Variants in ZBTB38 observed in about 807,000 individuals in gnomAD.
The protein encoded by ZBTB38 is zinc finger and BTB domain-containing protein 38.
Under a neutral mutation model 76.8 loss-of-function variants are expected in ZBTB38, and 20 were observed. The ratio of observed to expected loss-of-function variants is 0.26; its 90% CI spans 0.18 to 0.38. The LOEUF is 0.38. ZBTB38 is among the 10% of genes least tolerant of loss of function. ZBTB38 has a pLI of 1.00. For synonymous variants in ZBTB38, 504 were observed against 544.2 expected (o/e 0.93, Z 1.03); for missense variants, 1,082 against 1,482.3 (o/e 0.73, Z 4.43).
rs914646028 is a variant in ZBTB38, at chr3:141,444,076, A to G, written c.1688A>G (p.Tyr563Cys). The change falls in exon 6 of 6, where the codon TAT (tyrosine) becomes TGT (cysteine). Residue 563 changes from tyrosine (Y) to cysteine (C), a missense_variant. Tyr to Cys is a radical substitution (Grantham distance 194). Coordinates refer to ENST00000321464, the MANE Select transcript of ZBTB38 (RefSeq NM_001376113.1). The surrounding 1 kb of genome is among the most constrained non-coding windows in gnomAD (Gnocchi z 5.1). The stretch of plus-strand genomic sequence containing the variant: ...GGCTTGAAGCCTAGTGTCTATCCGT[A>G]TAAACTTTATAGGCTACTGCCTATG... ...NGGLKPSVYP[Y>C]KLYRLLPMKC... The G allele has an allele frequency of 1.2e-6, 2 of 1,614,072 alleles. No individual in the cohort carries two copies. The highest frequency in any genetic ancestry group is 2.7e-5 in the African/African-American group (2 of 74,942).
chr3:141,348,729 TGA>T (rs1466395957), intron 1 of ZBTB38, among the ~76,000 whole-genome samples: 1 of 152,204 alleles, frequency 6.6e-6, no homozygotes, highest in African/African-American at 2.4e-5. Flanking sequence ...CAAGAGCCAA[TGA>T]GTATCTGATT....
chr3:141,432,392 G>A, intron 5 of ZBTB38: 1 of 587,012 alleles, frequency 1.7e-6, no homozygotes, highest in Non-Finnish European at 2.1e-6. Flanking sequence ...GTGGCCAAGG[G>A]CTGGCAAGAG....
At position 141,340,944 on chromosome 3, in the gene ZBTB38, AAG is replaced by A. The variant is rs55768579; in HGVS notation, c.-739+16490_-739+16491del. On this transcript the variant is annotated intron_variant, in intron 1 of 7. Coordinates refer to the ZBTB38 transcript ENST00000509842. The stretch of plus-strand genomic sequence containing the variant: ...GGAAAGGAAAAAAGAAAAGAAAAGA[AAG>A]AAGGAAAGAAAGAAAGAAAGAAAGA... Among the ~76,000 whole-genome samples, 97 of 81,460 alleles carry A rather than the reference AAG, an allele frequency of 1.2e-3. 5 individuals carry two copies. Among genetic ancestry groups the A allele is most frequent in the African/African-American group, 6.6e-3 (90 of 13,560 alleles). 53.4% of individuals were successfully genotyped at this position (81,460 alleles called of 152,430 possible).
At chr3:141,345,436 C>T (rs1428920972) in intron 1 of ZBTB38, among the ~76,000 whole-genome samples, 1 of 152,106 alleles carries the variant, frequency 6.6e-6, no homozygotes, top group Non-Finnish European at 1.5e-5. Context: ...GTGGTGTATA[C>T]ATGGGGGCAT....
chr3:141,403,515 A>G (rs1377306550), intron 4 of ZBTB38, among the ~76,000 whole-genome samples: 3 of 152,262 alleles, frequency 2.0e-5, no homozygotes, highest in Non-Finnish European at 4.4e-5. Flanking sequence ...TGCACATAGT[A>G]AGGGTAAGCA....
chr3:141,440,841 C>T (rs1261799554), intron 5 of ZBTB38, among the ~76,000 whole-genome samples: 2 of 151,946 alleles, frequency 1.3e-5, no homozygotes, highest in Admixed American at 1.3e-4. Flanking sequence ...CGAGACCATC[C>T]TGGCCAACAT....
At chr3:141,341,283 C>T (rs186450013) in intron 1 of ZBTB38, among the ~76,000 whole-genome samples, 1 of 152,344 alleles carries the variant, frequency 6.6e-6, no homozygotes, top group South Asian at 2.1e-4. Context: ...TATCACATGA[C>T]TCAGCAATTC....
chr3:141,405,735 G>A (rs759759308), intron 5 of ZBTB38: 4 of 152,220 alleles, frequency 2.6e-5, no homozygotes, highest in Non-Finnish European at 5.9e-5. Flanking sequence ...GGTGTTCTGT[G>A]AATGCTGTAC....
intron 1 of ZBTB38, among the ~76,000 whole-genome samples, chr3:141,360,644 G>C (rs1306223065): frequency 6.6e-6 from 1 of 152,162 alleles, no homozygotes; most frequent in African/African-American, 2.4e-5. Context: ...TGAATAAGCT[G>C]TAAGTCCCTG....
intron 1 of ZBTB38, among the ~76,000 whole-genome samples, chr3:141,329,207 T>G (rs1408063351): frequency 1.3e-5 from 2 of 152,214 alleles, no homozygotes; most frequent in Non-Finnish European, 2.9e-5. Flanking sequence ...GCACTTAGCA[T>G]AGTGCCCAGC....
intron 1 of ZBTB38, among the ~76,000 whole-genome samples, chr3:141,348,526 T>C (rs962444678): frequency 5.9e-5 from 9 of 152,238 alleles, no homozygotes; most frequent in Non-Finnish European, 1.2e-4. Flanking sequence ...ACTGCAAATT[T>C]AGATCCTTCC....
intron 1 of ZBTB38, among the ~76,000 whole-genome samples, chr3:141,356,400 T>C (rs1447799648): frequency 2.0e-5 from 3 of 152,066 alleles, no homozygotes; most frequent in Non-Finnish European, 4.4e-5. Context: ...TTCTCACTCA[T>C]ACAAAAGTGT....
At chr3:141,347,768 G>C (rs1943407096) in intron 1 of ZBTB38, among the ~76,000 whole-genome samples, 2 of 152,232 alleles carry the variant, frequency 1.3e-5, no homozygotes, top group South Asian at 4.1e-4. Flanking sequence ...CCATGGTTGT[G>C]GCTGTTCTCA....
At chr3:141,410,321 T>C (rs1217299367) in intron 5 of ZBTB38, among the ~76,000 whole-genome samples, 1 of 152,116 alleles carries the variant, frequency 6.6e-6, no homozygotes, top group Non-Finnish European at 1.5e-5. Flanking sequence ...TACAGAAGGA[T>C]TGGGACAGGC....
At chr3:141,403,821 G>A (rs1953263856) in intron 4 of ZBTB38, 106 bp from the exon 5 acceptor site, 1 of 152,238 alleles carries the variant, frequency 6.6e-6, no homozygotes, top group African/African-American at 2.4e-5. Flanking sequence ...CTTTGTGGGT[G>A]TTTGACTTAT....
At chr3:141,383,050 G>A (rs1359165154) in intron 3 of ZBTB38, among the ~76,000 whole-genome samples, 2 of 152,126 alleles carry the variant, frequency 1.3e-5, no homozygotes, top group African/African-American at 4.8e-5. Context: ...CAGGATTATT[G>A]GGTTAGAATG....
intron 3 of ZBTB38, among the ~76,000 whole-genome samples, chr3:141,382,935 C>T (rs544350498): frequency 6.6e-5 from 10 of 152,270 alleles, no homozygotes; most frequent in East Asian, 3.9e-4. Flanking sequence ...GGTGGAAAGA[C>T]GTAGACTTTG....
At chr3:141,441,223 G>A (rs2080138974) in intron 5 of ZBTB38, among the ~76,000 whole-genome samples, 1 of 152,024 alleles carries the variant, frequency 6.6e-6, no homozygotes, top group Admixed American at 6.6e-5. Context: ...ATATCAGTTA[G>A]TAAGCTTTAG....
intron 2 of ZBTB38, among the ~76,000 whole-genome samples, chr3:141,375,958 G>T (rs894726120): frequency 1.3e-5 from 2 of 152,146 alleles, no homozygotes; most frequent in Non-Finnish European, 2.9e-5. Context: ...ACCTGAAAAT[G>T]GAAATTTAGG....
Sources: gnomAD v4.1 joint callset for allele counts (sites outside exome capture counted in the v4.1 genomes callset) on GRCh38, gnomAD v4.1.1 for gene constraint, Gnocchi (gnomAD v3.1) non-coding constraint, MANE v1.5 for transcripts, NCBI Gene and HGNC (gene_info 2026-07-23, HGNC 2026-07-21) for gene names.